Variants in DNAJC3 observed in about 807,000 individuals in gnomAD.
DNAJC3 encodes DnaJ heat shock protein family (Hsp40) member C3, also known as dnaJ homolog subfamily C member 3.
A neutral mutation model predicts 68.6 loss-of-function variants in DNAJC3; 38 were observed. The ratio of observed to expected loss-of-function variants is 0.55; its 90% CI spans 0.43 to 0.73. The LOEUF (loss-of-function observed/expected upper bound fraction) is 0.73, where lower values mean the gene tolerates loss of function less well. DNAJC3 is among the 30% of genes least tolerant of loss of function. DNAJC3 has a pLI of 0.00. For missense variants in DNAJC3, 526 were observed against 591.9 expected, an observed-to-expected ratio of 0.89 and a Z score of 1.16; for synonymous variants, 203 against 204.0, an observed-to-expected ratio of 1.00 and a Z score of 0.04.
intron 5 of DNAJC3, among the ~76,000 whole-genome samples, chr13:95,758,251 C>A (rs1050334760): frequency 6.6e-6 from 1 of 152,072 alleles, no homozygotes; most frequent in African/African-American, 2.4e-5. Flanking sequence ...GCTGGAGGAT[C>A]ACTTGAGCCC....
intron 4 of DNAJC3, among the ~76,000 whole-genome samples, chr13:95,735,107 G>A (rs1450289780): frequency 2.0e-5 from 3 of 150,706 alleles, no homozygotes; most frequent in African/African-American, 7.4e-5. Context: ...TACTGAGAAT[G>A]ATGATTTCCA....
intron 1 of DNAJC3, among the ~76,000 whole-genome samples, chr13:95,697,795 T>G (rs1315739498): frequency 4.6e-5 from 7 of 151,296 alleles, no homozygotes; most frequent in Non-Finnish European, 1.0e-4. Flanking sequence ...AGTTTTTTTT[T>G]TTTTTTTTTT....
At chr13:95,682,491 T>C (rs1301346306) in intron 1 of DNAJC3, among the ~76,000 whole-genome samples, 1 of 152,130 alleles carries the variant, frequency 6.6e-6, no homozygotes, top group African/African-American at 2.4e-5. Flanking sequence ...TTTAAAAAAA[T>C]CCTTATTTTC....
rs1183906163 is a variant in DNAJC3, at chr13:95,790,917, G to A, written c.1402G>A (p.Glu468Lys). 1.2e-6 allele frequency: 2 copies of A among 1,607,024 alleles called. No homozygotes were observed. The highest frequency in any genetic ancestry group is 3.5e-5 in the Admixed American group (2 of 57,576). The change falls in exon 12 of 12, where the codon GAG becomes AAG. Residue 468 changes from glutamate (E) to lysine (K), a missense_variant. Glu to Lys is a moderately conservative substitution (Grantham distance 56). Transcript: ENST00000602402. ...CGACGGAGAAGATCCTTTGGATGCA[G>A]AGAGCCAGCAAGGAGGCGGCGGCAA... Reference protein sequence around the residue: ...FDDGEDPLDAESQQGGGGNPF... With the variant: ...FDDGEDPLDAKSQQGGGGNPF...
chr13:95,709,552 G>A (rs993821207), intron 2 of DNAJC3, among the ~76,000 whole-genome samples: 11 of 151,966 alleles, frequency 7.2e-5, no homozygotes, highest in Admixed American at 7.2e-4. Context: ...GAAGGTTAGT[G>A]AGGCCTGCTA....
At chr13:95,739,357 C>G (rs1424429002) in intron 4 of DNAJC3, among the ~76,000 whole-genome samples, 32 of 151,020 alleles carry the variant, frequency 2.1e-4, no homozygotes, top group African/African-American at 6.1e-4. Context: ...TTTCCTGAAT[C>G]TGAACGTTGG....
chr13:95,722,309 A>G (rs1363923638), intron 2 of DNAJC3, among the ~76,000 whole-genome samples: 1 of 151,994 alleles, frequency 6.6e-6, no homozygotes, highest in Admixed American at 6.6e-5. Flanking sequence ...CTTCACCTCC[A>G]TTCTAGTTGG....
chr13:95,789,218 G>C (rs1883691551), intron 11 of DNAJC3, among the ~76,000 whole-genome samples: 1 of 151,952 alleles, frequency 6.6e-6, no homozygotes, highest in Admixed American at 6.6e-5. Flanking sequence ...GTAAATGTGT[G>C]TTATGGGGGT....
intron 2 of DNAJC3, among the ~76,000 whole-genome samples, chr13:95,720,176 T>G (rs1195337929): frequency 6.6e-6 from 1 of 152,158 alleles, no homozygotes; most frequent in Non-Finnish European, 1.5e-5. Context: ...AAGGAAAGGT[T>G]TATTTTTCCA....
At chr13:95,786,815 A>G (rs1049367132) in intron 10 of DNAJC3, among the ~76,000 whole-genome samples, 192 bp from the exon 11 acceptor site, 12 of 152,234 alleles carry the variant, frequency 7.9e-5, no homozygotes, top group Non-Finnish European at 1.8e-4. Context: ...CGAGTATCCA[A>G]GGAAGCCTGA....
chr13:95,689,496 G>C (rs1217608248), intron 1 of DNAJC3, among the ~76,000 whole-genome samples: 6 of 151,078 alleles, frequency 4.0e-5, no homozygotes, highest in Admixed American at 4.0e-4. Context: ...TTTTTTCTTG[G>C]TTAGTCTAGC....
At chr13:95,713,634 C>A (rs915669811) in intron 2 of DNAJC3, among the ~76,000 whole-genome samples, 1 of 152,190 alleles carries the variant, frequency 6.6e-6, no homozygotes, top group Non-Finnish European at 1.5e-5. Context: ...CTCGCTGATT[C>A]TAAAATGTCT....
At chr13:95,691,485 C>T (rs1353995143) in intron 1 of DNAJC3, among the ~76,000 whole-genome samples, 2 of 151,842 alleles carry the variant, frequency 1.3e-5, no homozygotes, top group East Asian at 3.9e-4. Flanking sequence ...CTCCTCACTT[C>T]CCAGATGTGA....
chr13:95,790,493 G>C (rs1156860594), intron 11 of DNAJC3, among the ~76,000 whole-genome samples: 2 of 152,126 alleles, frequency 1.3e-5, no homozygotes, highest in Non-Finnish European at 2.9e-5. Flanking sequence ...CTTTATTTTG[G>C]GGATTAGGGT....
chr13:95,724,459 T>C (rs1469973367), intron 3 of DNAJC3, among the ~76,000 whole-genome samples: 1 of 152,212 alleles, frequency 6.6e-6, no homozygotes, highest in Non-Finnish European at 1.5e-5. Context: ...GGAAGAGTCA[T>C]TGGTAAAGTC....
chr13:95,692,889 C>T (rs1452380000), intron 1 of DNAJC3: 1 of 148,616 alleles, frequency 6.7e-6, no homozygotes, highest in African/African-American at 2.5e-5. Context: ...GGCACTATCT[C>T]GGCTCACTGC....
intron 4 of DNAJC3, among the ~76,000 whole-genome samples, chr13:95,738,252 CA>C (rs1882000011): frequency 6.7e-6 from 1 of 149,962 alleles, no homozygotes. Context: ...AGTATGTGGT[CA>C]ATTTTGGAAT....
intron 2 of DNAJC3, among the ~76,000 whole-genome samples, chr13:95,717,300 A>C (rs964871080): frequency 1.3e-5 from 2 of 152,216 alleles, no homozygotes; most frequent in Non-Finnish European, 2.9e-5. Context: ...TTTTTATATC[A>C]CTTAAACTTG....
At chr13:95,692,605 T>C (rs1880303509) in intron 1 of DNAJC3, 1 of 152,122 alleles carries the variant, frequency 6.6e-6, no homozygotes, top group Non-Finnish European at 1.5e-5. Context: ...GTTTTTCTGC[T>C]CATCTGCTTC....
Sources: allele counts gnomAD v4.1 joint callset (sites outside exome capture counted in the v4.1 genomes callset), GRCh38; gene constraint gnomAD v4.1.1; transcripts MANE v1.5; gene names NCBI Gene and HGNC (gene_info 2026-07-23, HGNC 2026-07-21).